PCDHA5: variants seen among roughly 807,000 people sequenced by gnomAD.
PCDHA5 encodes protocadherin alpha 5, also known as protocadherin alpha-5.
In PCDHA5, 43 loss-of-function variants were observed where a neutral mutation model predicts 61.6. The ratio of observed to expected loss-of-function variants is 0.70; its 90% CI spans 0.55 to 0.90. PCDHA5 has a LOEUF of 0.90. Ranked by LOEUF, PCDHA5 falls within the 40% of genes least tolerant of loss-of-function variation. PCDHA5 has a pLI of 0.00. For missense variants in PCDHA5, 1,298 were observed against 1,222.7 expected (o/e 1.06, Z -0.92); for synonymous variants, 627 against 543.9 (o/e 1.15, Z -2.13).
chr5:140,967,009 T>G, intron 1 of PCDHA5: 1 of 1,606,176 alleles, frequency 6.2e-7, no homozygotes, highest in Non-Finnish European at 8.5e-7. Flanking sequence ...GCATCAACCA[T>G]CTGGGTGCGC....
At chr5:140,984,453 T>C (rs2097104309) in intron 3 of PCDHA5, among the ~76,000 whole-genome samples, 1 of 152,254 alleles carries the variant, frequency 6.6e-6, no homozygotes, top group South Asian at 2.1e-4. Flanking sequence ...CCTTTCTTAC[T>C]GTCCCAGCCC....
chr5:140,833,083 G>A (rs1348346830), intron 1 of PCDHA5, among the ~76,000 whole-genome samples: 5 of 152,168 alleles, frequency 3.3e-5, no homozygotes, highest in African/African-American at 9.7e-5. Flanking sequence ...ATAACTTTGA[G>A]TACTAGACGA....
chr5:140,904,195 C>T (rs1554191353), intron 1 of PCDHA5, among the ~76,000 whole-genome samples: 1 of 151,930 alleles, frequency 6.6e-6, no homozygotes, highest in Admixed American at 6.6e-5. Context: ...CCCACCCTTT[C>T]CCCCTAAGTC....
intron 1 of PCDHA5, chr5:140,852,936 T>A: frequency 1.7e-6 from 1 of 599,096 alleles, no homozygotes; most frequent in Non-Finnish European, 2.2e-6. Flanking sequence ...TGGAGTGCAG[T>A]GGTGCCATCT....
chr5:140,969,700 A>G (rs2096354004), intron 1 of PCDHA5, among the ~76,000 whole-genome samples: 1 of 152,178 alleles, frequency 6.6e-6, no homozygotes. Context: ...CCTCTGCTGT[A>G]TCATCTACAG....
chr5:140,848,561 A>C, intron 1 of PCDHA5: 1 of 1,595,546 alleles, frequency 6.3e-7, no homozygotes. Context: ...TGATCCTCGC[A>C]ATGTGGGTGG....
At chr5:140,851,689 TAA>T in intron 1 of PCDHA5, 1 of 934,422 alleles carries the variant, frequency 1.1e-6, no homozygotes, top group Non-Finnish European at 1.3e-6. Context: ...CATTCAGTGA[TAA>T]AATGATCAGC....
At chr5:140,843,144 C>G (rs1554139783) in intron 1 of PCDHA5, 3 of 1,596,036 alleles carry the variant, frequency 1.9e-6, no homozygotes, top group Non-Finnish European at 2.6e-6. Flanking sequence ...GCGTGGCTTT[C>G]GTATGAGCTG....
chr5:140,828,737 G>A, intron 1 of PCDHA5: 2 of 1,614,254 alleles, frequency 1.2e-6, no homozygotes, highest in Non-Finnish European at 1.7e-6. Flanking sequence ...GACAGCCACA[G>A]ATGGGGGCAA....
chr5:140,836,466 G>A (rs1554135989), intron 1 of PCDHA5: 1 of 1,613,862 alleles, frequency 6.2e-7, no homozygotes, highest in Non-Finnish European at 8.5e-7. Flanking sequence ...CGAGCTGGTG[G>A]ATGTCAACGT....
chr5:140,845,590 G>A (rs1475387499), intron 1 of PCDHA5, among the ~76,000 whole-genome samples: 3 of 149,560 alleles, frequency 2.0e-5, no homozygotes, highest in Non-Finnish European at 4.5e-5. Flanking sequence ...AAATGTGTCA[G>A]AAGTTAGTTA....
intron 1 of PCDHA5, among the ~76,000 whole-genome samples, chr5:140,975,119 A>C (rs2096654213): frequency 6.6e-6 from 1 of 152,038 alleles, no homozygotes; most frequent in African/African-American, 2.4e-5. Context: ...CTGTTTTCCT[A>C]CTTACTATTG....
At chr5:140,877,627 A>C (rs782765998) in intron 1 of PCDHA5, 1 of 1,613,614 alleles carries the variant, frequency 6.2e-7, no homozygotes, top group East Asian at 2.2e-5. Context: ...GCTGCTGTAC[A>C]CTGCGCTGCG....
At chr5:140,883,627 G>A (rs781902332) in intron 1 of PCDHA5, 34 of 1,613,816 alleles carry the variant, frequency 2.1e-5, no homozygotes, top group Non-Finnish European at 2.7e-5. Context: ...ACAACGCGCC[G>A]GCGTTCGCGC....
intron 3 of PCDHA5, chr5:140,989,125 T>G (rs2097330563): frequency 6.6e-6 from 1 of 152,152 alleles, no homozygotes; most frequent in Non-Finnish European, 1.5e-5. Context: ...CTTAGAAAAA[T>G]AAGACACTTT....
At chr5:140,926,804 C>T (rs1298226109) in intron 1 of PCDHA5, 4 of 1,455,652 alleles carry the variant, frequency 2.7e-6, no homozygotes, top group East Asian at 2.5e-5. Context: ...TGCTCTTCCC[C>T]GCGGCTCGTG....
At position 140,882,980 on chromosome 5, in the gene PCDHA5, A is replaced by T. The variant is rs782593392; in HGVS notation, c.2352+58853A>T. On this transcript the variant is annotated intron_variant, in intron 1 of 3. Coordinates refer to ENST00000529859, the MANE Select transcript of PCDHA5 (RefSeq NM_018908.3). ...CATCACGATTCTGGACGTGAATGAC[A>T]ACGCCCCGGAATTTTACCAATCCGT... 34 of 1,614,072 alleles carry T rather than the reference A, an allele frequency of 2.1e-5. No homozygotes were observed. Among genetic ancestry groups the T allele is most frequent in the African/African-American group, 2.7e-5 (2 of 74,926 alleles).
intron 1 of PCDHA5, chr5:140,883,182 A>G (rs2059477264): frequency 6.2e-7 from 1 of 1,614,024 alleles, no homozygotes; most frequent in Non-Finnish European, 8.5e-7. Context: ...ATTAGGACAA[A>G]AGGCAAACTA....
chr5:140,823,949 A>G lies in PCDHA5; in HGVS notation c.2174A>G (p.Gln725Arg). 6.2e-7 allele frequency: 1 copy of G among 1,613,920 alleles called. No homozygotes were observed. The highest frequency in any genetic ancestry group is 8.5e-7 in the Non-Finnish European group (1 of 1,179,960). Residue 725 changes from glutamine to arginine, a missense_variant, in exon 1 of 4, where the codon CAG (glutamine) becomes CGG (arginine). Transcript: ENST00000529859. ...LLYTALRCSA[Q>R]PTEAVCTRGK... The stretch of plus-strand genomic sequence containing the variant: ...TACACCGCGCTGCGGTGCTCGGCGC[A>G]GCCCACCGAGGCCGTGTGCACACGG...
Sources: allele counts gnomAD v4.1 joint callset (sites outside exome capture counted in the v4.1 genomes callset), GRCh38; gene constraint gnomAD v4.1.1; transcripts MANE v1.5; gene names NCBI Gene and HGNC (gene_info 2026-07-23, HGNC 2026-07-21).